The following NRXN1 variants were observed in gnomAD, a reference collection of about 807,000 sequenced individuals.
NRXN1 encodes the protein neurexin-1.
In NRXN1, 39 loss-of-function variants were observed where a neutral mutation model predicts 150.9. The observed-to-expected ratio is 0.26, with a 90% CI of 0.20 to 0.34. NRXN1 has a LOEUF of 0.34. NRXN1 is among the 10% of genes least tolerant of loss of function. The probability of loss-of-function intolerance (pLI) is 1.00; values close to 1 mark genes in which losing one functional copy is unlikely to be tolerated. For missense variants in NRXN1, 1,815 were observed against 1,949.9 expected (o/e 0.93, Z 1.30); for synonymous variants, 924 against 757.0 (o/e 1.22, Z -3.62).
rs573569288 is a variant in NRXN1, at chr2:50,669,685, A to T, written c.833-46070T>A. Among the ~76,000 whole-genome samples the T allele has an allele frequency of 3.9e-5, 6 of 151,904 alleles. No individual in the cohort carries two copies. The South Asian group carries it at 8.3e-4, about 21-fold the overall frequency. ...ATCCATCATTAAATTTGTCATAATC[A>T]CATCCCAGATTATAAACAATGTAAA... On this transcript the variant is annotated intron_variant, in intron 5 of 22. Coordinates refer to ENST00000401669, the MANE Select transcript of NRXN1 (RefSeq NM_001330078.2).
At chr2:50,158,405 A>G (rs1013446462) in intron 18 of NRXN1, among the ~76,000 whole-genome samples, 1 of 151,828 alleles carries the variant, frequency 6.6e-6, no homozygotes, top group African/African-American at 2.4e-5. Flanking sequence ...TTTTCTTACA[A>G]GCATTTACTT....
chr2:51,008,010 T>C (rs1281919473), intron 2 of NRXN1, among the ~76,000 whole-genome samples: 1 of 151,818 alleles, frequency 6.6e-6, no homozygotes, highest in Non-Finnish European at 1.5e-5. Context: ...AAGAAAATAA[T>C]AGTAGAAAAC....
intron 9 of NRXN1, among the ~76,000 whole-genome samples, chr2:50,539,657 C>A (rs1265361912): frequency 6.6e-6 from 1 of 152,194 alleles, no homozygotes; most frequent in Non-Finnish European, 1.5e-5. Context: ...CTGAACAGAA[C>A]ACCACAAGGA....
At position 50,315,996 on chromosome 2, in the gene NRXN1, A is replaced by C. The variant is rs116277214; in HGVS notation, c.3365-79026T>G. ...AGGATTCACATTGAACTGGGAAAGC[A>C]GTAAACGGCATGAGATGAAGGAGTT... On this transcript the variant is annotated intron_variant, in intron 17 of 22. Coordinates refer to ENST00000401669, the MANE Select transcript of NRXN1 (RefSeq NM_001330078.2). Among the ~76,000 whole-genome samples the C allele has an allele frequency of 5.3e-5, 8 of 152,220 alleles. No homozygotes were observed. In the East Asian group the frequency reaches 1.5e-3, roughly 29 times the overall value.
intron 16 of NRXN1, among the ~76,000 whole-genome samples, chr2:50,470,663 C>T (rs370247547): frequency 1.4e-4 from 21 of 151,874 alleles, no homozygotes; most frequent in African/African-American, 5.1e-4. Flanking sequence ...AAAACATCCT[C>T]ATCCTCATAA....
At chr2:50,870,688 G>A (rs1219990032) in intron 5 of NRXN1, among the ~76,000 whole-genome samples, 1 of 151,884 alleles carries the variant, frequency 6.6e-6, no homozygotes, top group African/African-American at 2.4e-5. Context: ...ATGTTGCCTG[G>A]ATTCTTGGAA....
At chr2:50,610,725 C>A (rs1677955702) in intron 8 of NRXN1, among the ~76,000 whole-genome samples, 1 of 122,648 alleles carries the variant, frequency 8.2e-6, no homozygotes, top group Admixed American at 9.3e-5. Flanking sequence ...ATACTATAGT[C>A]ATTACTAGAA....
At chr2:50,008,653 T>C (rs1273360892) in intron 21 of NRXN1, among the ~76,000 whole-genome samples, 2 of 152,052 alleles carry the variant, frequency 1.3e-5, no homozygotes, top group African/African-American at 2.4e-5. Context: ...TGAAAATTAA[T>C]TGACAAAATT....
intron 5 of NRXN1, among the ~76,000 whole-genome samples, chr2:50,678,542 C>T: frequency 6.6e-6 from 1 of 152,174 alleles, no homozygotes; most frequent in South Asian, 2.1e-4. Flanking sequence ...ATCTGTATCA[C>T]TGACCAGCAT....
chr2:49,976,670 G>T (rs1573172931), intron 21 of NRXN1, among the ~76,000 whole-genome samples: 1 of 152,100 alleles, frequency 6.6e-6, no homozygotes, highest in Non-Finnish European at 1.5e-5. Flanking sequence ...GTAAAATAAA[G>T]GTTCTGGCAA....
chr2:50,614,766 C>G (rs1678798077), intron 8 of NRXN1, among the ~76,000 whole-genome samples: 1 of 140,288 alleles, frequency 7.1e-6, no homozygotes, highest in Non-Finnish European at 1.5e-5. Context: ...CTTGAGGAAC[C>G]AAATTTGATG....
chr2:51,025,093 C>G (rs1178407747), intron 2 of NRXN1, among the ~76,000 whole-genome samples: 1 of 152,140 alleles, frequency 6.6e-6, no homozygotes, highest in African/African-American at 2.4e-5. Context: ...GGAAGACTGA[C>G]TCTGCCTTTA....
At chr2:50,538,951 C>T (rs549240602) in intron 9 of NRXN1, among the ~76,000 whole-genome samples, 1 of 152,284 alleles carries the variant, frequency 6.6e-6, no homozygotes, top group African/African-American at 2.4e-5. Context: ...AATAAAGAAA[C>T]TGTAATTCTG....
chr2:50,126,547 G>A (rs568361392), intron 18 of NRXN1, among the ~76,000 whole-genome samples: 1 of 152,028 alleles, frequency 6.6e-6, no homozygotes, highest in African/African-American at 2.4e-5. Flanking sequence ...AAAAATAGGA[G>A]GTGAATAATT....
intron 17 of NRXN1, among the ~76,000 whole-genome samples, chr2:50,434,208 C>T (rs978220228): frequency 1.5e-4 from 22 of 151,234 alleles, no homozygotes; most frequent in Non-Finnish European, 2.8e-4. Context: ...TAGAGGCGCC[C>T]GCCACCATGC....
intron 2 of NRXN1, among the ~76,000 whole-genome samples, chr2:51,003,260 A>C (rs1201228605): frequency 6.6e-6 from 1 of 151,990 alleles, no homozygotes; most frequent in Non-Finnish European, 1.5e-5. Flanking sequence ...AGGGGCACCA[A>C]TAAAGTAATG....
rs1040732447 is a variant in NRXN1, at chr2:50,966,771, A to G, written c.773-40816T>C. ...AATGGGTAGTAATGGAAATTAATGG[A>G]TAAGGGAAATCTACTTTAATTTCCT... On this transcript the variant is annotated intron_variant, in intron 2 of 22. Transcript: ENST00000401669. Among the ~76,000 whole-genome samples the G allele has an allele frequency of 4.6e-5, 7 of 151,972 alleles. No individual in the cohort carries two copies. The South Asian group carries it at 1.0e-3, about 23-fold the overall frequency.
At chr2:50,951,221 T>G (rs566043437) in intron 2 of NRXN1, among the ~76,000 whole-genome samples, 1 of 151,982 alleles carries the variant, frequency 6.6e-6, no homozygotes, top group Non-Finnish European at 1.5e-5. Flanking sequence ...TGAGAGGAGA[T>G]GAGATGAGAG....
chr2:50,693,931 A>G (rs1692428805), intron 5 of NRXN1, among the ~76,000 whole-genome samples: 1 of 152,144 alleles, frequency 6.6e-6, no homozygotes, highest in African/African-American at 2.4e-5. Flanking sequence ...ATCTGGAACT[A>G]TAGGTATCCA....
Sources: gnomAD v4.1 joint callset for allele counts (sites outside exome capture counted in the v4.1 genomes callset) on GRCh38, gnomAD v4.1.1 for gene constraint, MANE v1.5 for transcripts, NCBI Gene and HGNC (gene_info 2026-07-23, HGNC 2026-07-21) for gene names.